NEGR1: variants seen among roughly 807,000 people sequenced by gnomAD.
NEGR1 encodes the protein IgLON family member 4.
Under a neutral mutation model 40.9 loss-of-function variants are expected in NEGR1, and 10 were observed. The observed-to-expected ratio is 0.24, with a 90% CI of 0.15 to 0.42. The LOEUF is 0.42. Among genes scored for constraint, NEGR1 ranks in the 10% least tolerant of loss-of-function variants. The pLI is 1.00. For missense variants in NEGR1, 352 were observed against 438.9 expected (o/e 0.80, Z 1.77); for synonymous variants, 185 against 166.8 (o/e 1.11, Z -0.84).
At chr1:72,266,579 C>A (rs1655646581) in intron 1 of NEGR1, among the ~76,000 whole-genome samples, 1 of 150,556 alleles carries the variant, frequency 6.6e-6, no homozygotes, top group African/African-American at 2.4e-5. Flanking sequence ...TTTATATTGA[C>A]CAAACACATT....
At chr1:71,729,803 A>G (rs1478139844) in intron 3 of NEGR1, among the ~76,000 whole-genome samples, 2 of 149,954 alleles carry the variant, frequency 1.3e-5, no homozygotes, top group Non-Finnish European at 3.0e-5. Flanking sequence ...ATGCCTGGCT[A>G]ATTTTTGTTT....
intron 1 of NEGR1, among the ~76,000 whole-genome samples, chr1:72,240,048 A>G (rs1654683537): frequency 6.6e-6 from 1 of 151,924 alleles, no homozygotes; most frequent in Non-Finnish European, 1.5e-5. Context: ...TTAAGACTTC[A>G]CCTTGAAAAG....
At chr1:71,988,620 G>T (rs1406953847) in intron 1 of NEGR1, among the ~76,000 whole-genome samples, 1 of 150,430 alleles carries the variant, frequency 6.6e-6, no homozygotes, top group Non-Finnish European at 1.5e-5. Flanking sequence ...TTTTTCAGGT[G>T]AGGAAAACAT....
chr1:72,017,696 G>T (rs1646723928), intron 1 of NEGR1, among the ~76,000 whole-genome samples: 1 of 149,982 alleles, frequency 6.7e-6, no homozygotes. Context: ...CAGAAAACTG[G>T]TTTTCTTTTA....
At chr1:71,529,892 A>G (rs564766123) in intron 6 of NEGR1, among the ~76,000 whole-genome samples, 9 of 151,292 alleles carry the variant, frequency 5.9e-5, no homozygotes, top group Admixed American at 4.6e-4. Flanking sequence ...TTCTTGAATA[A>G]TGATGTTAAT....
intron 6 of NEGR1, among the ~76,000 whole-genome samples, chr1:71,577,310 T>C (rs796070006): frequency 5.9e-5 from 9 of 152,322 alleles, no homozygotes; most frequent in African/African-American, 2.2e-4. Flanking sequence ...GTTTTAGACA[T>C]TAAGATTTCA....
rs78156488 is a variant in NEGR1, at chr1:71,746,720, A to G, written c.535+29452T>C. ...AGAATATTTATAAATATGTATACGTATACACACACATACACACACATGTAC... is the reference window on the plus strand; with the variant it reads ...AGAATATTTATAAATATGTATACGTGTACACACACATACACACACATGTAC... On this transcript the variant is annotated intron_variant, in intron 3 of 6. Transcript: ENST00000357731. Among the ~76,000 whole-genome samples, 60 of 147,722 alleles carry G rather than the reference A, an allele frequency of 4.1e-4. No individual in the cohort carries two copies. The East Asian group carries it at 0.012, about 30-fold the overall frequency.
At chr1:72,230,993 G>A (rs552314509) in intron 1 of NEGR1, among the ~76,000 whole-genome samples, 1 of 152,234 alleles carries the variant, frequency 6.6e-6, no homozygotes, top group South Asian at 2.1e-4. Context: ...TAAAGGTCAT[G>A]GAAGGACTCC....
At chr1:72,117,719 C>G (rs911855879) in intron 1 of NEGR1, among the ~76,000 whole-genome samples, 8 of 151,792 alleles carry the variant, frequency 5.3e-5, no homozygotes, top group African/African-American at 7.2e-5. Flanking sequence ...ATAAATATCT[C>G]TTTTTGGTTT....
At chr1:71,410,465 T>C (rs1646312161) in intron 6 of NEGR1, among the ~76,000 whole-genome samples, 1 of 152,096 alleles carries the variant, frequency 6.6e-6, no homozygotes. Context: ...TTATTCTAGT[T>C]GGGGATATAA....
At chr1:71,640,755 T>A (rs1477724476) in intron 4 of NEGR1, among the ~76,000 whole-genome samples, 1 of 152,058 alleles carries the variant, frequency 6.6e-6, no homozygotes, top group Non-Finnish European at 1.5e-5. Context: ...TAGAACACAA[T>A]GTCTAACTAC....
At position 72,254,655 on chromosome 1, in the gene NEGR1, T is replaced by G. The variant is rs1002787360; in HGVS notation, c.176+27664A>C. ...AGGAGGAGCTTGAAGTGAGCTGAGA[T>G]AGCGCCACTGCACTCCAGCCTGGGC... On this transcript the variant is annotated intron_variant, in intron 1 of 6. Coordinates refer to ENST00000357731, the MANE Select transcript of NEGR1 (RefSeq NM_173808.3). Among the ~76,000 whole-genome samples, 7 of 137,408 alleles carry G rather than the reference T, an allele frequency of 5.1e-5. No homozygotes were observed. The South Asian group carries it at 8.9e-4, about 18-fold the overall frequency. 90.1% of individuals were successfully genotyped at this position (137,408 alleles called of 152,430 possible).
intron 4 of NEGR1, among the ~76,000 whole-genome samples, chr1:71,671,351 A>G (rs1340625722): frequency 1.3e-5 from 2 of 152,176 alleles, no homozygotes; most frequent in African/African-American, 4.8e-5. Flanking sequence ...CCCTTAGTAA[A>G]CATCATCTTT....
rs758528413 is a variant in NEGR1 at position 71,697,995 on chromosome 1, T to A, written c.667+13A>T. On this transcript the variant is annotated intron_variant, in intron 4 of 6. Coordinates refer to ENST00000357731, the MANE Select transcript of NEGR1 (RefSeq NM_173808.3). ...TCTCAGAACTTATCTTGATAAAAGGTGATGACACTTACAGTTGACAACAAC... is the reference window on the plus strand; with the variant it reads ...TCTCAGAACTTATCTTGATAAAAGGAGATGACACTTACAGTTGACAACAAC... The A allele has an allele frequency of 6.2e-7, 1 of 1,606,846 alleles. No individual in the cohort carries two copies. Among genetic ancestry groups the A allele is most frequent in the Admixed American group, 1.7e-5 (1 of 59,036 alleles).
intron 1 of NEGR1, among the ~76,000 whole-genome samples, chr1:71,949,315 C>A (rs1351960471): frequency 1.3e-5 from 2 of 152,068 alleles, no homozygotes; most frequent in African/African-American, 4.8e-5. Context: ...GTGTAATGGA[C>A]CCTCCCTAAG....
chr1:72,083,814 T>C (rs1648100778), intron 1 of NEGR1, among the ~76,000 whole-genome samples: 1 of 152,118 alleles, frequency 6.6e-6, no homozygotes, highest in South Asian at 2.1e-4. Flanking sequence ...ATTTTCCCTC[T>C]ACATGGATAG....
At chr1:71,610,122 GT>G (rs1027482774) in intron 5 of NEGR1, among the ~76,000 whole-genome samples, 1 of 152,158 alleles carries the variant, frequency 6.6e-6, no homozygotes, top group Non-Finnish European at 1.5e-5. Flanking sequence ...GTCTTGGGCA[GT>G]TTTTTATAGC....
At chr1:72,215,846 A>G (rs1390317534) in intron 1 of NEGR1, among the ~76,000 whole-genome samples, 1 of 152,042 alleles carries the variant, frequency 6.6e-6, no homozygotes, top group Admixed American at 6.6e-5. Flanking sequence ...TGACCAAGCA[A>G]TCTCATTACT....
rs115512708 is a variant in NEGR1 at position 71,846,287 on chromosome 1, C to T, written c.410-69990G>A. Among the ~76,000 whole-genome samples, 393 of 151,938 alleles carry T rather than the reference C, an allele frequency of 2.6e-3. 1 individual carries two copies. The highest frequency in any genetic ancestry group is 0.01 in the Middle Eastern group (3 of 294). The stretch of plus-strand genomic sequence containing the variant: ...TTCTAATACCAAGTACCTAGGAGTC[C>T]GATTAGCCACATCTATCTAACTCAA... On this transcript the variant is annotated intron_variant, in intron 2 of 6. Transcript: ENST00000357731.
Sources: gnomAD v4.1 joint callset for allele counts (sites outside exome capture counted in the v4.1 genomes callset) on GRCh38, gnomAD v4.1.1 for gene constraint, MANE v1.5 for transcripts, NCBI Gene and HGNC (gene_info 2026-07-23, HGNC 2026-07-21) for gene names.